SUV39H2: variants seen among roughly 807,000 people sequenced by gnomAD.
The protein encoded by SUV39H2 is SUV39H2 histone lysine methyltransferase, also known as histone-lysine N-methyltransferase SUV39H2.
Under a neutral mutation model 47.5 loss-of-function variants are expected in SUV39H2, and 10 were observed. That is an observed-to-expected ratio of 0.21 (90% CI 0.13 to 0.36). The LOEUF (loss-of-function observed/expected upper bound fraction) is 0.36, where lower values mean the gene tolerates loss of function less well. Ranked by LOEUF, SUV39H2 falls within the 10% of genes least tolerant of loss-of-function variation. The probability of loss-of-function intolerance (pLI) is 1.00; values close to 1 mark genes in which losing one functional copy is unlikely to be tolerated. For missense variants in SUV39H2, 266 were observed against 487.4 expected, an observed-to-expected ratio of 0.55 and a Z score of 4.28; for synonymous variants, 159 against 166.8, an observed-to-expected ratio of 0.95 and a Z score of 0.36.
chr10:14,897,176 T>C lies in SUV39H2; in HGVS notation c.508T>C (p.Tyr170His). ...TTTAGAGGGCCCACCTTCAGACTTC[T>C]ATTACATTAACGAATACAAACCAGC... ...VDLEGPPSDF[Y>H]YINEYKPAPG... Residue 170 changes from tyrosine (Y) to histidine (H), a missense_variant, in exon 3 of 6, where the codon TAT becomes CAT. Around this residue, in one of 4 missense-constraint regions of SUV39H2, gnomAD observed 91 missense variants for 110.9 expected, o/e 0.82. Transcript: ENST00000354919. 1.9e-6 allele frequency: 3 copies of C among 1,613,840 alleles called. No homozygotes were observed. Among genetic ancestry groups the C allele is most frequent in the Non-Finnish European group, 2.5e-6 (3 of 1,180,036 alleles).
chr10:14,898,938 T>C (rs1451939732), intron 3 of SUV39H2: 2 of 372,300 alleles, frequency 5.4e-6, no homozygotes, highest in Non-Finnish European at 9.6e-6. Context: ...TAACATTCAG[T>C]TGTGTCCTGT....
At chr10:14,892,300 T>C (rs1833413847) in intron 2 of SUV39H2, among the ~76,000 whole-genome samples, 1 of 152,226 alleles carries the variant, frequency 6.6e-6, no homozygotes, top group South Asian at 2.1e-4. Flanking sequence ...GGCACCATGG[T>C]TTCTGAGAAC....
At chr10:14,892,758 T>C (rs1362392373) in intron 2 of SUV39H2, among the ~76,000 whole-genome samples, 1 of 152,048 alleles carries the variant, frequency 6.6e-6, no homozygotes, top group African/African-American at 2.4e-5. Context: ...ATACTTATTA[T>C]AGATCCTAAA....
chr10:14,879,655 C>T (rs982026648), intron 1 of SUV39H2, among the ~76,000 whole-genome samples: 1 of 151,996 alleles, frequency 6.6e-6, no homozygotes. Flanking sequence ...GTGTCGCGCA[C>T]GCTTTGAGAG....
chr10:14,898,315 G>A (rs972067741), intron 3 of SUV39H2: 3 of 141,064 alleles, frequency 2.1e-5, no homozygotes, highest in East Asian at 4.3e-4. Flanking sequence ...AATAAGAACC[G>A]AGATTCAAAG....
intron 2 of SUV39H2, among the ~76,000 whole-genome samples, chr10:14,882,855 C>G (rs1376773383): frequency 6.6e-6 from 1 of 151,764 alleles, no homozygotes; most frequent in Admixed American, 6.6e-5. Flanking sequence ...CTATCTACCC[C>G]CTATAGGAGT....
intron 3 of SUV39H2, 39 bp downstream of exon 3, chr10:14,897,556 A>G: frequency 6.8e-7 from 1 of 1,469,218 alleles, no homozygotes; most frequent in African/African-American, 1.4e-5. Flanking sequence ...ATGGACATGC[A>G]AGGTTTATAC....
At chr10:14,886,547 G>A (rs1833215335) in intron 2 of SUV39H2, among the ~76,000 whole-genome samples, 1 of 152,078 alleles carries the variant, frequency 6.6e-6, no homozygotes, top group Non-Finnish European at 1.5e-5. Flanking sequence ...CTTTTGCTTC[G>A]GTCATGTTTC....
chr10:14,897,601 T>G, intron 3 of SUV39H2, 84 bp downstream of exon 3: 1 of 1,150,934 alleles, frequency 8.7e-7, no homozygotes, highest in Non-Finnish European at 1.1e-6. Context: ...CTTTAAGAGA[T>G]ACTTGGTACA....
At chr10:14,893,687 T>C (rs372530888) in intron 2 of SUV39H2, among the ~76,000 whole-genome samples, 68 of 152,352 alleles carry the variant, frequency 4.5e-4, no homozygotes, top group African/African-American at 1.6e-3. Flanking sequence ...TGAAACAAAA[T>C]CTTACTAATA....
At chr10:14,897,569 T>C (rs1833674080) in intron 3 of SUV39H2, 52 bp downstream of exon 3, 1 of 1,406,996 alleles carries the variant, frequency 7.1e-7, no homozygotes, top group Admixed American at 2.6e-5. Context: ...GTTTATACTT[T>C]TGGAAAATTA....
rs547402793 is a variant in SUV39H2 at position 14,903,626 on chromosome 10, C to T, written c.*1114C>T. 6.6e-5 allele frequency: 10 copies of T among 152,248 alleles called. No homozygotes were observed. Among genetic ancestry groups the T allele is most frequent in the African/African-American group, 2.4e-4 (10 of 41,542 alleles). The allele number at this position is 152,248 out of a possible 1,614,324, so 9.4% of individuals were successfully genotyped here. ...TGAATTATTAGACCTTTTTATTAGT[C>T]AACCTACGAAGACTAAAATAGAATA... On this transcript the variant is annotated 3_prime_UTR_variant, in exon 6 of 6. Transcript: ENST00000354919.
intron 2 of SUV39H2, among the ~76,000 whole-genome samples, chr10:14,884,117 T>C (rs1156316391): frequency 6.6e-6 from 1 of 152,250 alleles, no homozygotes; most frequent in African/African-American, 2.4e-5. Context: ...CGGACTATTA[T>C]AAATAAGGCT....
chr10:14,887,875 T>C (rs1184254658), intron 2 of SUV39H2, among the ~76,000 whole-genome samples: 3 of 152,342 alleles, frequency 2.0e-5, no homozygotes, highest in Non-Finnish European at 4.4e-5. Flanking sequence ...GAGGAACTGA[T>C]GTTTCAACTT....
At chr10:14,879,456 G>A (rs1366333768) in intron 1 of SUV39H2, among the ~76,000 whole-genome samples, 1 of 152,214 alleles carries the variant, frequency 6.6e-6, no homozygotes, top group Non-Finnish European at 1.5e-5. Flanking sequence ...CCCCAAGGCG[G>A]ACACGCTAGG....
intron 2 of SUV39H2, among the ~76,000 whole-genome samples, chr10:14,891,891 G>A (rs1833401145): frequency 2.0e-5 from 3 of 152,186 alleles, no homozygotes; most frequent in African/African-American, 7.2e-5. Context: ...GGGTGATGAG[G>A]TTGTCCAAAG....
intron 2 of SUV39H2, among the ~76,000 whole-genome samples, chr10:14,892,475 C>T (rs770296716): frequency 2.0e-5 from 3 of 152,180 alleles, no homozygotes; most frequent in Non-Finnish European, 4.4e-5. Context: ...TTAGATACTT[C>T]ATGCAAATCT....
chr10:14,901,080 A>C, intron 4 of SUV39H2, 53 bp from the exon 5 acceptor site: 1 of 1,588,544 alleles, frequency 6.3e-7, no homozygotes, highest in East Asian at 2.3e-5. Context: ...TGGCATGTAG[A>C]AGGGCTTGTT....
In SUV39H2 at chr10:14,885,239, T is replaced by A. The variant is rs193139259; in HGVS notation, c.177+3594T>A. 2.7e-3 allele frequency among the ~76,000 whole-genome samples: 418 copies of A among 152,274 alleles called. 2 individuals are homozygous for A. Among genetic ancestry groups the A allele is most frequent in the African/African-American group, 9.6e-3 (397 of 41,554 alleles). ...TTGCGAACTGGATACCCTACAGGTA[T>A]CCAAGTTCACATTCAAAACTGCACC... On this transcript the variant is annotated intron_variant, in intron 2 of 5. Transcript: ENST00000354919.
Sources: allele counts gnomAD v4.1 joint callset (sites outside exome capture counted in the v4.1 genomes callset), GRCh38; gene constraint gnomAD v4.1.1; regional missense constraint gnomAD v4.1.1; transcripts MANE v1.5; gene names NCBI Gene and HGNC (gene_info 2026-07-23, HGNC 2026-07-21).